MAGI2: variants seen among roughly 807,000 people sequenced by gnomAD.
MAGI2 encodes membrane-associated guanylate kinase, WW and PDZ domain-containing protein 2.
In MAGI2, 35 loss-of-function variants were observed where a neutral mutation model predicts 133.3. That is an observed-to-expected ratio of 0.26 (90% CI 0.20 to 0.35). MAGI2 has a LOEUF of 0.35. Among genes scored for constraint, MAGI2 ranks in the 10% least tolerant of loss-of-function variants. The probability of loss-of-function intolerance (pLI) is 1.00; values close to 1 mark genes in which losing one functional copy is unlikely to be tolerated. For missense variants in MAGI2, 1,636 were observed against 1,863.4 expected (o/e 0.88, Z 2.25); for synonymous variants, 729 against 710.6 (o/e 1.03, Z -0.41).
chr7:78,655,712 T>C (rs952091172), intron 2 of MAGI2, among the ~76,000 whole-genome samples: 6 of 152,072 alleles, frequency 3.9e-5, no homozygotes, highest in Non-Finnish European at 7.4e-5. Flanking sequence ...CCGGGCGCAG[T>C]GGCTCACGCC....
rs146713657 is a variant in MAGI2 at position 78,256,295 on chromosome 7, C to T, written c.1695G>A (p.Pro565=). 2.6e-5 allele frequency: 42 copies of T among 1,613,886 alleles called. 1 individual carries two copies. The highest frequency in any genetic ancestry group is 1.8e-4 in the South Asian group (16 of 91,068). ...TTGGCATGGAGTGCAGAGAATGAGG[C>T]GGCCGATCTGTTATATCTGGAACTG... ...SQSVPDITDR[P]PHSLHSMPTD... The change falls in exon 10 of 22, where the codon CCG becomes CCA. Residue 565 remains proline (P), a synonymous_variant. Coordinates refer to ENST00000354212, the MANE Select transcript of MAGI2 (RefSeq NM_012301.4).
chr7:78,526,906 G>T (rs953122058), intron 3 of MAGI2, among the ~76,000 whole-genome samples: 5 of 149,000 alleles, frequency 3.4e-5, no homozygotes, highest in African/African-American at 1.2e-4. Flanking sequence ...TACTAAGGAG[G>T]CTGAGACAGG....
At chr7:78,195,927 G>A (rs555555899) in intron 11 of MAGI2, among the ~76,000 whole-genome samples, 17 of 152,196 alleles carry the variant, frequency 1.1e-4, no homozygotes, top group African/African-American at 3.4e-4. Context: ...TGAATTGACC[G>A]GCAGCGTATG....
In MAGI2 at chr7:79,453,412, G is replaced by A. The variant is rs888509442; in HGVS notation, c.-92C>T. 129 of 1,510,220 alleles carry A rather than the reference G, an allele frequency of 8.5e-5. No individual in the cohort carries two copies. In the Admixed American group the frequency reaches 2.9e-3, roughly 34 times the overall value. The allele number at this position is 1,510,220 out of a possible 1,614,324, so 93.6% of individuals were successfully genotyped here. A position where few individuals can be genotyped will look rare whatever the true frequency, so the allele number is the denominator to read the frequency against. On this transcript the variant is annotated 5_prime_UTR_variant, in exon 1 of 22. Transcript: ENST00000354212. ...GAGGATGGAGGAGCAAGGGGGCCCA[G>A]GGGGAAGAACAGCAGACTTTGCCTT...
At chr7:78,203,671 G>T (rs1829473467) in intron 10 of MAGI2, among the ~76,000 whole-genome samples, 1 of 152,200 alleles carries the variant, frequency 6.6e-6, no homozygotes, top group Non-Finnish European at 1.5e-5. Context: ...GAAGTTGCGT[G>T]CTGCAGAGTA....
chr7:78,510,769 C>T (rs1169545403), intron 4 of MAGI2, among the ~76,000 whole-genome samples: 1 of 152,156 alleles, frequency 6.6e-6, no homozygotes, highest in Non-Finnish European at 1.5e-5. Context: ...TTTTGTTGGG[C>T]ACCAGGGGCT....
intron 2 of MAGI2, among the ~76,000 whole-genome samples, chr7:78,667,826 T>C (rs189251287): frequency 5.1e-4 from 78 of 152,298 alleles, no homozygotes; most frequent in Non-Finnish European, 8.2e-4. Flanking sequence ...GTCTTTGCTA[T>C]TGTGAATAGT....
intron 1 of MAGI2, among the ~76,000 whole-genome samples, chr7:79,013,970 G>C (rs1261526571): frequency 6.6e-6 from 1 of 152,080 alleles, no homozygotes; most frequent in Non-Finnish European, 1.5e-5. Flanking sequence ...AGAGAGTATA[G>C]ACAATCTTTT....
chr7:78,922,118 C>A (rs939438873), intron 2 of MAGI2, among the ~76,000 whole-genome samples: 3 of 119,730 alleles, frequency 2.5e-5, no homozygotes, highest in Non-Finnish European at 5.6e-5. Context: ...ATGGAGTACA[C>A]TTGATTCTTT....
chr7:78,071,757 C>A (rs1001254898), intron 21 of MAGI2, among the ~76,000 whole-genome samples: 1 of 152,078 alleles, frequency 6.6e-6, no homozygotes, highest in South Asian at 2.1e-4. Flanking sequence ...TTTTCTATTG[C>A]GCGGTGGAAG....
chr7:79,167,788 A>G (rs1360223451), intron 1 of MAGI2, among the ~76,000 whole-genome samples: 27 of 152,070 alleles, frequency 1.8e-4, no homozygotes, highest in Admixed American at 1.6e-3. Flanking sequence ...CAGTCCCCCC[A>G]AAATCTGGCC....
At chr7:79,174,832 CA>C (rs1202523227) in intron 1 of MAGI2, among the ~76,000 whole-genome samples, 1 of 151,666 alleles carries the variant, frequency 6.6e-6, no homozygotes, top group Non-Finnish European at 1.5e-5. Flanking sequence ...AATAATTAGA[CA>C]ACAGTGAAAT....
chr7:78,912,307 C>G (rs1798456181), intron 2 of MAGI2, among the ~76,000 whole-genome samples: 1 of 152,046 alleles, frequency 6.6e-6, no homozygotes, highest in African/African-American at 2.4e-5. Context: ...AGTGTGACTT[C>G]AAGGAGAAAG....
Position 79,235,338 on chromosome 7 carries a change from G to T in MAGI2, c.301+217682C>A, listed in dbSNP as rs966037327. Among the ~76,000 whole-genome samples, 4 of 152,052 alleles carry T rather than the reference G, an allele frequency of 2.6e-5. No individual in the cohort carries two copies. The East Asian group carries it at 7.7e-4, about 29-fold the overall frequency. On this transcript the variant is annotated intron_variant, in intron 1 of 21. Coordinates refer to ENST00000354212, the MANE Select transcript of MAGI2 (RefSeq NM_012301.4). ...GGGCTCCACCCAGTTCGAGCTTCCC[G>T]GCTGCTTTGTTTACCTAAGCAAGCC...
intron 1 of MAGI2, among the ~76,000 whole-genome samples, chr7:79,231,693 G>A (rs899871122): frequency 1.5e-5 from 2 of 133,698 alleles, no homozygotes; most frequent in African/African-American, 5.3e-5. Flanking sequence ...GAGATTTTGG[G>A]CTGAGACAGT....
At chr7:79,136,003 G>GAAAGAAAGAGAAAGAAAGAA (rs749343638) in intron 1 of MAGI2, among the ~76,000 whole-genome samples, 1 of 40,922 alleles carries the variant, frequency 2.4e-5, no homozygotes, top group African/African-American at 8.9e-5. Flanking sequence ...AAGAAAGAAA[G>GAAAGAAAGAGAAAGAAAGAA]AGAAAGAAAG....
chr7:79,248,941 G>A lies in MAGI2; in HGVS notation c.301+204079C>T, dbSNP rs547805230. Among the ~76,000 whole-genome samples the A allele has an allele frequency of 5.9e-5, 9 of 152,076 alleles. No homozygotes were observed. In the South Asian group the frequency reaches 1.9e-3, roughly 32 times the overall value. On this transcript the variant is annotated intron_variant, in intron 1 of 21. Transcript: ENST00000354212. Reference sequence around the variant, plus strand: ...TGCAATGGCACAATCTCGGCTCACTGCAACCTCTGCTTCCCAGGTTCAAGC... The same window carrying A: ...TGCAATGGCACAATCTCGGCTCACTACAACCTCTGCTTCCCAGGTTCAAGC...
At chr7:78,435,535 T>C (rs1800201699) in intron 6 of MAGI2, among the ~76,000 whole-genome samples, 1 of 152,066 alleles carries the variant, frequency 6.6e-6, no homozygotes, top group Admixed American at 6.6e-5. Context: ...TACAACTCCA[T>C]AAGCCAAGAA....
chr7:78,357,064 T>A (rs1489483108), intron 7 of MAGI2, among the ~76,000 whole-genome samples: 1 of 152,244 alleles, frequency 6.6e-6, no homozygotes, highest in Non-Finnish European at 1.5e-5. Context: ...ATAGAAAATG[T>A]TTAAAGATGA....
Sources: gnomAD v4.1 joint callset for allele counts (sites outside exome capture counted in the v4.1 genomes callset) on GRCh38, gnomAD v4.1.1 for gene constraint, MANE v1.5 for transcripts, NCBI Gene and HGNC (gene_info 2026-07-23, HGNC 2026-07-21) for gene names.